Variants in USP34 observed in about 807,000 individuals in gnomAD.
USP34 encodes ubiquitin carboxyl-terminal hydrolase 34.
A neutral mutation model predicts 460.3 loss-of-function variants in USP34; 70 were observed. The observed-to-expected ratio is 0.15, with a 90% CI of 0.13 to 0.19. USP34 has a LOEUF of 0.19. USP34 is among the 10% of genes least tolerant of loss of function. The probability of loss-of-function intolerance (pLI) is 1.00; values close to 1 mark genes in which losing one functional copy is unlikely to be tolerated. For synonymous variants in USP34, 1,647 were observed against 1,405.3 expected, an observed-to-expected ratio of 1.17 and a Z score of -3.85; for missense variants, 3,985 against 4,236.2, an observed-to-expected ratio of 0.94 and a Z score of 1.65.
intron 20 of USP34, among the ~76,000 whole-genome samples, chr2:61,325,934 G>GA (rs1181078133): frequency 3.3e-5 from 5 of 152,100 alleles, no homozygotes; most frequent in Non-Finnish European, 7.4e-5. Flanking sequence ...TTGTATTTTT[G>GA]AATGTTATTT....
intron 8 of USP34, among the ~76,000 whole-genome samples, chr2:61,375,867 A>G (rs993114236): frequency 6.6e-6 from 1 of 152,116 alleles, no homozygotes; most frequent in African/African-American, 2.4e-5. Flanking sequence ...TGATACTATT[A>G]AGCAATAAAA....
At chr2:61,371,596 T>TA (rs1692629903) in intron 8 of USP34, among the ~76,000 whole-genome samples, 1 of 150,384 alleles carries the variant, frequency 6.6e-6, no homozygotes, top group South Asian at 2.1e-4. Context: ...AATAAAAAGT[T>TA]AGAGTAAGCT....
At chr2:61,383,238 A>C in intron 6 of USP34, 31 bp downstream of exon 6, 1 of 1,483,200 alleles carries the variant, frequency 6.7e-7, no homozygotes, top group Non-Finnish European at 9.3e-7. Flanking sequence ...TTACACTGAT[A>C]ATCGGGGGTA....
intron 75 of USP34, among the ~76,000 whole-genome samples, chr2:61,202,173 GA>G (rs771929856): frequency 7.9e-5 from 12 of 152,170 alleles, no homozygotes; most frequent in Non-Finnish European, 1.5e-4. Context: ...CTTGGATAAT[GA>G]ATTCTAAGGT....
chr2:61,356,083 C>T (rs1692092911), intron 10 of USP34, among the ~76,000 whole-genome samples: 1 of 151,848 alleles, frequency 6.6e-6, no homozygotes, highest in African/African-American at 2.4e-5. Flanking sequence ...AGCAAGATCT[C>T]AAAGAGGTAT....
At chr2:61,441,182 C>T (rs1386482514) in intron 1 of USP34, among the ~76,000 whole-genome samples, 2 of 150,568 alleles carry the variant, frequency 1.3e-5, no homozygotes, top group Admixed American at 1.3e-4. Context: ...CTCTGTGGCC[C>T]AGGCTAGAGT....
At chr2:61,228,087 G>A (rs1045130442) in intron 61 of USP34, among the ~76,000 whole-genome samples, 3 of 152,170 alleles carry the variant, frequency 2.0e-5, no homozygotes, top group African/African-American at 7.2e-5. Flanking sequence ...AGCACAACAA[G>A]TCACTGTGAT....
At chr2:61,346,527 TAAA>T (rs926076478) in intron 15 of USP34, among the ~76,000 whole-genome samples, 4,721 of 43,882 alleles carry the variant, frequency 0.11, 208 homozygotes, top group East Asian at 0.29. Context: ...CCCTATCTCT[TAAA>T]AAAAAAAAAA....
intron 18 of USP34, among the ~76,000 whole-genome samples, chr2:61,334,660 C>T (rs1691363935): frequency 6.6e-6 from 1 of 152,068 alleles, no homozygotes; most frequent in South Asian, 2.1e-4. Context: ...AACATGTTTT[C>T]ATTTATAAAA....
chr2:61,316,757 C>A (rs1052184564), intron 23 of USP34, among the ~76,000 whole-genome samples: 1 of 150,630 alleles, frequency 6.6e-6, no homozygotes, highest in Admixed American at 6.6e-5. Context: ...TGGTGGTGCA[C>A]CCCTGTAATC....
intron 7 of USP34, among the ~76,000 whole-genome samples, chr2:61,378,925 A>AAAAAAAAAAAAAAC (rs1692883130): frequency 6.7e-6 from 1 of 149,994 alleles, no homozygotes; most frequent in Non-Finnish European, 1.5e-5. Context: ...AAAAAAAAAA[A>AAAAAAAAAAAAAAC]AAAAAAAAAA....
In USP34 at chr2:61,206,718, C is replaced by A. The variant is rs990182851; in HGVS notation, c.9046+42G>T. The A allele has an allele frequency of 3.1e-6, 5 of 1,603,706 alleles. 1 individual carries two copies. The South Asian group carries it at 5.6e-5, about 18-fold the overall frequency. ...GATTTTAAAACCTTCTCTCTCTTTA[C>A]TAGTAGCACGAACAAAACATAAGAA... is the stretch of plus-strand genomic sequence containing the variant. On this transcript the variant is annotated intron_variant, in intron 71 of 79. Coordinates refer to ENST00000398571, the MANE Select transcript of USP34 (RefSeq NM_014709.4).
chr2:61,396,697 C>A lies in USP34; in HGVS notation c.553-1464G>T, dbSNP rs190794267. Among the ~76,000 whole-genome samples, 352 of 152,164 alleles carry A rather than the reference C, an allele frequency of 2.3e-3. 1 individual carries two copies. The highest frequency in any genetic ancestry group is 4.1e-3 in the Non-Finnish European group (276 of 68,010). ...TAGAGACAGGGTTTCACCGTGTTAGCCAGGATGGTCTCGATCTCCTGACCT... is the reference window on the plus strand; with the variant it reads ...TAGAGACAGGGTTTCACCGTGTTAGACAGGATGGTCTCGATCTCCTGACCT... On this transcript the variant is annotated intron_variant, in intron 3 of 79. Coordinates refer to ENST00000398571, the MANE Select transcript of USP34 (RefSeq NM_014709.4).
Position 61,350,346 on chromosome 2 carries a change from T to G in USP34, c.1421A>C (p.Asn474Thr). 6.2e-7 allele frequency: 1 copy of G among 1,613,804 alleles called. No individual in the cohort carries two copies. The highest frequency in any genetic ancestry group is 1.1e-5 in the South Asian group (1 of 91,012). The change falls in exon 12 of 80, where the codon AAC becomes ACC. Residue 474 changes from asparagine (N) to threonine (T), a missense_variant. Asn to Thr is a moderately conservative substitution (Grantham distance 65, BLOSUM62 0). Transcript: ENST00000398571. ...TAACTGAGCCTTAGCTGCTAGTGCG[T>G]TATTCCACAGTGCTTTAATTAACAT... is the stretch of plus-strand genomic sequence containing the variant. ...ASMLIKALWN[N>T]ALAAKAQLSK...
intron 1 of USP34, among the ~76,000 whole-genome samples, chr2:61,460,989 A>G (rs550670244): frequency 3.9e-5 from 6 of 151,970 alleles, no homozygotes; most frequent in African/African-American, 1.4e-4. Flanking sequence ...TCAAAAAAAA[A>G]AAAAGAAAAA....
At chr2:61,240,364 C>T (rs775534359) in intron 53 of USP34, among the ~76,000 whole-genome samples, 4 of 151,774 alleles carry the variant, frequency 2.6e-5, no homozygotes, top group African/African-American at 7.3e-5. Context: ...ATCTCGGCTC[C>T]GCCTCCCAGG....
chr2:61,255,732 C>A (rs1049826216), intron 48 of USP34, among the ~76,000 whole-genome samples: 1 of 152,208 alleles, frequency 6.6e-6, no homozygotes, highest in Non-Finnish European at 1.5e-5. Flanking sequence ...AAATCTTGTA[C>A]CATCCTGCTT....
intron 7 of USP34, among the ~76,000 whole-genome samples, chr2:61,379,765 C>G (rs931017380): frequency 6.6e-5 from 10 of 152,222 alleles, no homozygotes; most frequent in Non-Finnish European, 1.2e-4. Context: ...GTATTTAAGA[C>G]TATTCAAAAC....
intron 8 of USP34, among the ~76,000 whole-genome samples, chr2:61,371,982 C>T (rs1389229765): frequency 6.6e-6 from 1 of 152,106 alleles, no homozygotes; most frequent in African/African-American, 2.4e-5. Context: ...TAACTTTGTA[C>T]AATGAAGTCA....
Sources: allele counts gnomAD v4.1 joint callset (sites outside exome capture counted in the v4.1 genomes callset), GRCh38; gene constraint gnomAD v4.1.1; transcripts MANE v1.5; gene names NCBI Gene and HGNC (gene_info 2026-07-23, HGNC 2026-07-21).